Variants in COG5 observed in about 807,000 individuals in gnomAD.
COG5 encodes component of oligomeric golgi complex 5.
COG5 carries 86 observed loss-of-function variants against 110.4 expected under a neutral mutation model. That is an observed-to-expected ratio of 0.78 (90% CI 0.65 to 0.93). COG5 has a LOEUF of 0.93. Among genes scored for constraint, COG5 ranks in the 40% least tolerant of loss-of-function variants. COG5 has a pLI of 0.00. For missense variants in COG5, 1,077 were observed against 987.0 expected (o/e 1.09, Z -1.22); for synonymous variants, 360 against 334.6 (o/e 1.08, Z -0.83).
At chr7:107,349,286 C>T (rs1811915798) in intron 10 of COG5, among the ~76,000 whole-genome samples, 1 of 152,128 alleles carries the variant, frequency 6.6e-6, no homozygotes, top group Admixed American at 6.5e-5. Flanking sequence ...AACTGGAATC[C>T]TTTTATTTTT....
chr7:107,245,476 GC>G (rs1297572953), intron 17 of COG5, among the ~76,000 whole-genome samples: 2 of 152,138 alleles, frequency 1.3e-5, no homozygotes, highest in East Asian at 3.9e-4. Flanking sequence ...CATAGTCTTG[GC>G]CCAAAAGCTC....
chr7:107,277,889 T>C (rs1027201725), intron 14 of COG5, among the ~76,000 whole-genome samples: 1 of 152,180 alleles, frequency 6.6e-6, no homozygotes, highest in African/African-American at 2.4e-5. Flanking sequence ...ATCATAAAAA[T>C]AATTTCAGAT....
rs114679981 is a variant in COG5 at position 107,303,179 on chromosome 7, T to C, written c.1109-4833A>G. ...GATCCTCCCACCTCGGCCACCAAAG[T>C]GTTGAGATTACAGGTGTGAGCTATC... On this transcript the variant is annotated intron_variant, in intron 11 of 21. Coordinates refer to ENST00000297135, the MANE Select transcript of COG5 (RefSeq NM_006348.5). Among the ~76,000 whole-genome samples, 662 of 151,802 alleles carry C rather than the reference T, an allele frequency of 4.4e-3. 3 individuals carry two copies. Among genetic ancestry groups the C allele is most frequent in the African/African-American group, 0.015 (634 of 41,410 alleles).
At chr7:107,419,491 AAG>A (rs749495460) in intron 6 of COG5, among the ~76,000 whole-genome samples, 40 of 152,202 alleles carry the variant, frequency 2.6e-4, no homozygotes, top group Non-Finnish European at 2.8e-4. Context: ...GAAAAAGAAA[AAG>A]AGAATGGAGG....
At chr7:107,559,265 C>G (rs1471699353) in intron 1 of COG5, among the ~76,000 whole-genome samples, 6 of 152,022 alleles carry the variant, frequency 3.9e-5, no homozygotes, top group Non-Finnish European at 7.4e-5. Flanking sequence ...ATATAGAAAT[C>G]CACAAATATG....
chr7:107,457,288 T>C (rs183951518), intron 6 of COG5, among the ~76,000 whole-genome samples: 268 of 92,256 alleles, frequency 2.9e-3, no homozygotes, highest in African/African-American at 0.011. Context: ...TCAGACACTA[T>C]AAAAGATTAA....
rs533201798 is a variant in COG5 at position 107,376,328 on chromosome 7, G to C, written c.670-3568C>G. Among the ~76,000 whole-genome samples the C allele has an allele frequency of 1.6e-4, 25 of 151,820 alleles. No homozygotes were observed. In the East Asian group the frequency reaches 4.8e-3, roughly 29 times the overall value. On this transcript the variant is annotated intron_variant, in intron 7 of 21. Coordinates refer to ENST00000297135, the MANE Select transcript of COG5 (RefSeq NM_006348.5). ...TGTCCTTTTTTTAAAAAAGTTTTCA[G>C]GTATTGTTTGAGATTGCATTAACTC... is the stretch of plus-strand genomic sequence containing the variant.
intron 12 of COG5, among the ~76,000 whole-genome samples, chr7:107,295,102 T>TATATATATA (rs1491246038): frequency 1.5e-4 from 6 of 39,838 alleles, no homozygotes; most frequent in South Asian, 1.3e-3. Context: ...TATATATATA[T>TATATATATA]TTTTTTTTTT....
chr7:107,405,363 CCT>C (rs1421404320), intron 7 of COG5, among the ~76,000 whole-genome samples: 2 of 152,188 alleles, frequency 1.3e-5, no homozygotes, highest in African/African-American at 2.4e-5. Context: ...CTGGATGACA[CCT>C]CTGTCTTGTT....
At chr7:107,206,143 A>G (rs1316609445) in intron 21 of COG5, among the ~76,000 whole-genome samples, 1 of 151,980 alleles carries the variant, frequency 6.6e-6, no homozygotes, top group Non-Finnish European at 1.5e-5. Context: ...TTGTATTTTT[A>G]GTAGAGACGG....
At chr7:107,493,096 GT>G (rs1798070359) in intron 6 of COG5, among the ~76,000 whole-genome samples, 1 of 152,094 alleles carries the variant, frequency 6.6e-6, no homozygotes, top group South Asian at 2.1e-4. Flanking sequence ...TATAAAAAGG[GT>G]TTGCAGGAGT....
chr7:107,428,849 C>T (rs1013242789), intron 6 of COG5, among the ~76,000 whole-genome samples: 3 of 152,184 alleles, frequency 2.0e-5, no homozygotes. Context: ...TGGCGTATTA[C>T]TAGCAAGTTC....
At chr7:107,234,688 G>A (rs1026223871) in intron 18 of COG5, among the ~76,000 whole-genome samples, 27 of 152,054 alleles carry the variant, frequency 1.8e-4, no homozygotes, top group African/African-American at 5.8e-4. Context: ...AGGGGAGAGA[G>A]CCCAGGGAAA....
At chr7:107,529,024 T>TAAAAAAAAAAAAAAAAAAAAAAAAAAAA (rs58281094) in intron 5 of COG5, among the ~76,000 whole-genome samples, 2 of 97,842 alleles carry the variant, frequency 2.0e-5, no homozygotes, top group Non-Finnish European at 3.9e-5. Context: ...AATACTTAAA[T>TAAAAAAAAAAAAAAAAAAAAAAAAAAAA]AAAAAAAAAA....
chr7:107,489,776 C>T lies in COG5; in HGVS notation c.538+37461G>A, dbSNP rs75931634. ...TGTATTCAACAACTAACTTGCAACA[C>T]AGCAAATAATTGCCCAAGAGATTTT... On this transcript the variant is annotated intron_variant, in intron 6 of 21. Coordinates refer to ENST00000297135, the MANE Select transcript of COG5 (RefSeq NM_006348.5). Among the ~76,000 whole-genome samples, 611 of 152,202 alleles carry T rather than the reference C, an allele frequency of 4.0e-3. 1 individual carries two copies. The highest frequency in any genetic ancestry group is 5.9e-3 in the Non-Finnish European group (404 of 67,998).
At chr7:107,514,163 T>C (rs1340970576) in intron 6 of COG5, among the ~76,000 whole-genome samples, 3 of 152,066 alleles carry the variant, frequency 2.0e-5, no homozygotes, top group Non-Finnish European at 4.4e-5. Flanking sequence ...GCGATTAAAA[T>C]TAGTAGAGGA....
At chr7:107,367,523 T>C (rs1352071700) in intron 8 of COG5, among the ~76,000 whole-genome samples, 1 of 151,926 alleles carries the variant, frequency 6.6e-6, no homozygotes, top group African/African-American at 2.4e-5. Context: ...CCAATCTAAG[T>C]GTTCACAAAA....
rs398124222 is a variant in COG5, at chr7:107,230,679, C to G, written c.2104G>C (p.Val702Leu). Reference protein sequence around the residue: ...AADFAQMELAVGPFCRRVSDL... With the variant: ...AADFAQMELALGPFCRRVSDL... ...GATACTCGTCTACAGAATGGACCCA[C>G]AGCCAACTCCATCTGAAATATTAAA... Residue 702 changes from valine (V) to leucine (L), a missense_variant, in exon 19 of 22, where the codon GTG (valine) becomes CTG (leucine). By Grantham distance (32) the Val-to-Leu change is conservative. Coordinates refer to ENST00000297135, the MANE Select transcript of COG5 (RefSeq NM_006348.5). 8.7e-6 allele frequency: 14 copies of G among 1,609,958 alleles called. No individual in the cohort carries two copies. In the African/African-American group the frequency reaches 1.7e-4, roughly 20 times the overall value.
chr7:107,283,509 C>G (rs1805353270), intron 13 of COG5, 62 bp downstream of exon 13: 5 of 1,389,782 alleles, frequency 3.6e-6, no homozygotes, highest in Non-Finnish European at 5.1e-6. Context: ...GTACTGCTAT[C>G]ATATATCACT....
Sources: allele counts gnomAD v4.1 joint callset (sites outside exome capture counted in the v4.1 genomes callset), GRCh38; gene constraint gnomAD v4.1.1; transcripts MANE v1.5; gene names NCBI Gene and HGNC (gene_info 2026-07-23, HGNC 2026-07-21).